Variants in EYA2 observed in about 807,000 individuals in gnomAD.
EYA2 encodes the protein EYA transcriptional coactivator and phosphatase 2, also known as protein phosphatase EYA2.
EYA2 carries 31 observed loss-of-function variants against 69.2 expected under a neutral mutation model. The ratio of observed to expected loss-of-function variants is 0.45; its 90% CI spans 0.34 to 0.60. EYA2 has a LOEUF of 0.60. EYA2 is among the 20% of genes least tolerant of loss of function. The probability of loss-of-function intolerance (pLI) is 0.02; values close to 1 mark genes in which losing one functional copy is unlikely to be tolerated. For synonymous variants in EYA2, 257 were observed against 279.4 expected (o/e 0.92, Z 0.80); for missense variants, 622 against 701.2 (o/e 0.89, Z 1.28).
chr20:46,983,275 A>G (rs1412200077), intron 1 of EYA2, among the ~76,000 whole-genome samples: 1 of 151,852 alleles, frequency 6.6e-6, no homozygotes, highest in African/African-American at 2.4e-5. Context: ...TAATTTTTTT[A>G]TTGTGTATAA....
intron 1 of EYA2, among the ~76,000 whole-genome samples, chr20:46,989,458 G>A (rs139210655): frequency 1.8e-4 from 28 of 152,218 alleles, no homozygotes; most frequent in East Asian, 1.2e-3. Flanking sequence ...TAGTAGAGAC[G>A]GCATTTCACC....
chr20:47,072,142 A>T (rs1348738306), intron 5 of EYA2, 43 bp from the exon 6 acceptor site: 1 of 1,577,164 alleles, frequency 6.3e-7, no homozygotes, highest in Non-Finnish European at 8.7e-7. Flanking sequence ...AGAGAAAAAA[A>T]GACAAGAACC....
chr20:46,940,508 TAAC>T (rs371374486), intron 1 of EYA2, among the ~76,000 whole-genome samples: 64 of 152,308 alleles, frequency 4.2e-4, no homozygotes, highest in African/African-American at 1.4e-3. Context: ...ACGTAAGTGA[TAAC>T]AACGACGGCA....
At chr20:47,135,854 C>CAAAA (rs1281930987) in intron 9 of EYA2, among the ~76,000 whole-genome samples, 56 of 64,864 alleles carry the variant, frequency 8.6e-4, no homozygotes, top group African/African-American at 3.7e-3. Flanking sequence ...AACAAACAAA[C>CAAAA]AAAAAACTAA....
intron 1 of EYA2, among the ~76,000 whole-genome samples, chr20:46,985,298 T>C (rs1374486001): frequency 2.0e-5 from 3 of 152,172 alleles, no homozygotes; most frequent in Non-Finnish European, 4.4e-5. Context: ...TTAAGTGCTG[T>C]GGAGGAAATA....
chr20:47,007,833 G>A (rs1982813635), intron 4 of EYA2, among the ~76,000 whole-genome samples: 1 of 151,794 alleles, frequency 6.6e-6, no homozygotes, highest in South Asian at 2.1e-4. Flanking sequence ...TCACTTTGTT[G>A]CCCAGGCTGG....
At chr20:47,087,548 G>A (rs1294564804) in intron 7 of EYA2, among the ~76,000 whole-genome samples, 2 of 152,228 alleles carry the variant, frequency 1.3e-5, no homozygotes, top group Non-Finnish European at 2.9e-5. Context: ...GCTAAATAAG[G>A]ATAGTAAAGT....
At chr20:46,970,839 G>C (rs1980093353) in intron 1 of EYA2, among the ~76,000 whole-genome samples, 1 of 152,102 alleles carries the variant, frequency 6.6e-6, no homozygotes, top group African/African-American at 2.4e-5. Context: ...TAATGTTAAG[G>C]AATATTGTGG....
chr20:47,129,326 G>A (rs1568796097), intron 9 of EYA2, among the ~76,000 whole-genome samples: 1 of 152,194 alleles, frequency 6.6e-6, no homozygotes. Flanking sequence ...GAGTGAGTGG[G>A]GAGGAGTATG....
At chr20:47,151,338 T>A (rs144574897) in intron 10 of EYA2, among the ~76,000 whole-genome samples, 20 of 151,426 alleles carry the variant, frequency 1.3e-4, no homozygotes, top group South Asian at 6.4e-4. Flanking sequence ...ACCTCTGCAC[T>A]CCAGCCTGGG....
At chr20:46,981,437 A>G (rs77888119) in intron 1 of EYA2, among the ~76,000 whole-genome samples, 35 of 152,300 alleles carry the variant, frequency 2.3e-4, no homozygotes, top group African/African-American at 8.2e-4. Context: ...AGTCAGGGTC[A>G]TGTTTACTTT....
At chr20:47,103,396 T>G (rs1265568138) in intron 9 of EYA2, among the ~76,000 whole-genome samples, 2 of 152,222 alleles carry the variant, frequency 1.3e-5, no homozygotes, top group East Asian at 3.8e-4. Context: ...GTATCAGTAC[T>G]CCATTCCTTT....
At chr20:47,107,736 A>G (rs58273730) in intron 9 of EYA2, among the ~76,000 whole-genome samples, 1,734 of 149,462 alleles carry the variant, frequency 0.012, 31 homozygotes, top group African/African-American at 0.041. Context: ...AAGAAAAGAA[A>G]AAGAAGAAGA....
At chr20:47,002,838 C>T (rs907393066) in intron 3 of EYA2, among the ~76,000 whole-genome samples, 1 of 152,192 alleles carries the variant, frequency 6.6e-6, no homozygotes, top group African/African-American at 2.4e-5. Context: ...CTGACATCTC[C>T]AGCTCAAATG....
At chr20:47,122,781 G>A (rs2033086941) in intron 9 of EYA2, among the ~76,000 whole-genome samples, 1 of 152,128 alleles carries the variant, frequency 6.6e-6, no homozygotes, top group Non-Finnish European at 1.5e-5. Context: ...TATTGTAACA[G>A]TCACACCCAT....
intron 15 of EYA2, among the ~76,000 whole-genome samples, chr20:47,186,639 G>A (rs6066228): frequency 0.4 from 60,490 of 151,748 alleles, 12,676 homozygotes; most frequent in Non-Finnish European, 0.48. Flanking sequence ...GATTACAGGC[G>A]TGAGCCACCA....
intron 5 of EYA2, among the ~76,000 whole-genome samples, chr20:47,030,859 C>T (rs1353591154): frequency 2.0e-5 from 3 of 152,134 alleles, no homozygotes; most frequent in African/African-American, 7.2e-5. Context: ...TGGACTCAAG[C>T]GATCCTCTCG....
intron 15 of EYA2, among the ~76,000 whole-genome samples, chr20:47,186,869 C>T (rs915635502): frequency 2.6e-5 from 4 of 152,150 alleles, no homozygotes; most frequent in African/African-American, 9.7e-5. Flanking sequence ...AGCATTCTTT[C>T]TTCCATATAC....
chr20:47,032,738 T>C (rs1450532823), intron 5 of EYA2, among the ~76,000 whole-genome samples: 1 of 152,258 alleles, frequency 6.6e-6, no homozygotes, highest in African/African-American at 2.4e-5. Flanking sequence ...TTTTCTCATC[T>C]GTGAAATGGG....
Sources: allele counts gnomAD v4.1 joint callset (sites outside exome capture counted in the v4.1 genomes callset), GRCh38; gene constraint gnomAD v4.1.1; transcripts MANE v1.5; gene names NCBI Gene and HGNC (gene_info 2026-07-23, HGNC 2026-07-21).